The following GPR21 variants were observed in gnomAD, a reference collection of about 807,000 sequenced individuals.
GPR21 encodes G protein-coupled receptor 21.
Under a neutral mutation model 21.5 loss-of-function variants are expected in GPR21, and 9 were observed. The observed-to-expected ratio is 0.42, with a 90% confidence interval of 0.25 to 0.73. GPR21 has a LOEUF of 0.73. GPR21 is among the 30% of genes least tolerant of loss of function. GPR21 has a pLI of 0.27. For synonymous variants in GPR21, 169 were observed against 159.3 expected, an observed-to-expected ratio of 1.06 and a Z score of -0.46; for missense variants, 416 against 428.9, an observed-to-expected ratio of 0.97 and a Z score of 0.27.
At chr9:123,039,724 A>G (rs1042928618), downstream of GPR21, among the ~76,000 whole-genome samples, 8 of 152,188 alleles carry the variant, frequency 5.3e-5, no homozygotes, top group Non-Finnish European at 8.8e-5. Flanking sequence ...AGAATGGATT[A>G]GGAAATATGT....
At chr9:123,038,237 C>T (rs2032772693), downstream of GPR21, among the ~76,000 whole-genome samples, 2 of 152,090 alleles carry the variant, frequency 1.3e-5, no homozygotes, top group African/African-American at 2.4e-5. Flanking sequence ...TTGACTCTTA[C>T]TCAAAATTCC....
Position 123,034,642 on chromosome 9 carries a change from A to C in GPR21, c.76A>C (p.Asn26His). The C allele has an allele frequency of 6.2e-7, 1 of 1,613,796 alleles. No individual in the cohort carries two copies. Among genetic ancestry groups the C allele is most frequent in the Non-Finnish European group, 8.5e-7 (1 of 1,179,708 alleles). Residue 26 changes from asparagine (N) to histidine (H), a missense_variant, in exon 2 of 2, where the codon AAT becomes CAT. Transcript: ENST00000616002. ...GGCATTTGGCTATTTGGAAACTGTCAATTTTTGCCTTTTGGAAGTATTGAT... is the reference window on the plus strand; with the variant it reads ...GGCATTTGGCTATTTGGAAACTGTCCATTTTTGCCTTTTGGAAGTATTGAT... The part of the protein sequence containing the change: ...LLAFGYLETV[N>H]FCLLEVLIIV...
In GPR21 at chr9:123,034,473, T is replaced by C; in HGVS notation, c.-94T>C. ...GGCTCCTCTGGCATTATTACACACATGCAAAGCTGACCGCAATGACAGCAG... is the reference window on the plus strand; with the variant it reads ...GGCTCCTCTGGCATTATTACACACACGCAAAGCTGACCGCAATGACAGCAG... On this transcript the variant is annotated 5_prime_UTR_variant, in exon 2 of 2. It removes an upstream start codon present in the reference 5' UTR. Transcript: ENST00000616002. The C allele has an allele frequency of 1.3e-6, 1 of 771,328 alleles. No individual in the cohort carries two copies. The highest frequency in any genetic ancestry group is 2.2e-5 in the Admixed American group (1 of 44,790). The allele number at this position is 771,328 out of a possible 1,614,324, so 47.8% of individuals were successfully genotyped here.
chr9:123,044,858 C>A, the GPR21 span, among the ~76,000 whole-genome samples: 837 of 152,142 alleles, frequency 5.5e-3, 6 homozygotes, highest in Non-Finnish European at 8.2e-3. Flanking sequence ...CCTCTCCTCA[C>A]CCCAGACCCC....
the GPR21 span, among the ~76,000 whole-genome samples, chr9:123,045,197 T>C: frequency 1.3e-5 from 2 of 152,220 alleles, no homozygotes; most frequent in African/African-American, 4.8e-5. Context: ...GGCAATATTT[T>C]GGGGAGAAAG....
At chr9:123,036,392 A>G (rs376915683), downstream of GPR21, among the ~76,000 whole-genome samples, 31 of 152,354 alleles carry the variant, frequency 2.0e-4, 1 homozygote, top group South Asian at 5.8e-3. Flanking sequence ...GTCTATATTT[A>G]GAATATCTGA....
Position 123,034,719 on chromosome 9 carries a change from T to A in GPR21, c.153T>A (p.Phe51Leu). The A allele has an allele frequency of 6.2e-7, 1 of 1,613,826 alleles. No homozygotes were observed. Among genetic ancestry groups the A allele is most frequent in the Non-Finnish European group, 8.5e-7 (1 of 1,179,686 alleles). The change falls in exon 2 of 2, where the codon TTT becomes TTA. Residue 51 changes from phenylalanine (F) to leucine (L), a missense_variant. Physicochemically the swap from Phe to Leu is conservative, Grantham distance 22 (BLOSUM62 0). Transcript: ENST00000616002. The part of the protein sequence containing the change: ...LIISGNIIVI[F>L]VFHCAPLLNH... The stretch of plus-strand genomic sequence containing the variant: ...TTTCTGGCAACATCATTGTGATTTT[T>A]GTATTTCACTGTGCACCTTTGTTGA...
the GPR21 span, among the ~76,000 whole-genome samples, chr9:123,046,022 T>C: frequency 3.1e-4 from 47 of 152,172 alleles, 1 homozygote; most frequent in Admixed American, 3.1e-3. Flanking sequence ...CTTGGGTGAA[T>C]GTGGAGTGGC....
chr9:123,046,521 G>T, the GPR21 span, among the ~76,000 whole-genome samples: 12 of 152,124 alleles, frequency 7.9e-5, no homozygotes, highest in Admixed American at 2.0e-4. Flanking sequence ...CTAGCTGTGA[G>T]ACCTGGGGCA....
Position 123,034,720 on chromosome 9 carries a change from GT to G in GPR21, c.155del (p.Val52AspfsTer8). On this transcript the variant is annotated frameshift_variant, in exon 2 of 2. Transcript: ENST00000616002. LOFTEE classifies it high-confidence loss of function. ...TTCTGGCAACATCATTGTGATTTTT[GT>G]ATTTCACTGTGCACCTTTGTTGAAC... Reference protein sequence around the residue: ...IISGNIIVIFVFHCAPLLNHH... With the variant: ...IISGNIIVIFXFHCAPLLNHH... 1 of 1,613,668 alleles carries G rather than the reference GT, an allele frequency of 6.2e-7. No homozygotes were observed. Among genetic ancestry groups the G allele is most frequent in the Non-Finnish European group, 8.5e-7 (1 of 1,179,618 alleles).
At chr9:123,049,102 A>G in the GPR21 span, among the ~76,000 whole-genome samples, 1 of 152,204 alleles carries the variant, frequency 6.6e-6, no homozygotes, top group Non-Finnish European at 1.5e-5. Flanking sequence ...TTTTCTGAGG[A>G]AGTCATCTGC....
Position 123,034,597 on chromosome 9 carries a change from A to G in GPR21, c.31A>G (p.Ser11Gly). The G allele has an allele frequency of 6.2e-7, 1 of 1,611,350 alleles. No individual in the cohort carries two copies. Among genetic ancestry groups the G allele is most frequent in the Non-Finnish European group, 8.5e-7 (1 of 1,178,518 alleles). The change falls in exon 2 of 2, where the codon AGC (serine) becomes GGC (glycine). Residue 11 changes from serine (S) to glycine (G), a missense_variant. Transcript: ENST00000616002. The stretch of plus-strand genomic sequence containing the variant: ...CTCCACCTTGGATGGTAATCAGAGC[A>G]GCCACCCTTTTTGCCTCTTGGCATT... MNSTLDGNQS[S>G]HPFCLLAFGY...
the GPR21 span, among the ~76,000 whole-genome samples, chr9:123,043,213 A>G: frequency 6.6e-6 from 1 of 152,224 alleles, no homozygotes; most frequent in African/African-American, 2.4e-5. Context: ...ATAAAGAGAT[A>G]CAGAATCCAG....
chr9:123,044,999 G>C, the GPR21 span, among the ~76,000 whole-genome samples: 4 of 152,202 alleles, frequency 2.6e-5, no homozygotes, highest in East Asian at 7.7e-4. Flanking sequence ...AAAGCCCTTT[G>C]CAAATTAAAA....
the GPR21 span, among the ~76,000 whole-genome samples, chr9:123,047,458 A>G: frequency 6.6e-6 from 1 of 152,202 alleles, no homozygotes; most frequent in Non-Finnish European, 1.5e-5. Flanking sequence ...CCTTTAAGGC[A>G]TTACTACATA....
At position 123,035,226 on chromosome 9, in the gene GPR21, G is replaced by A; in HGVS notation, c.660G>A (p.Gln220=). ...TCAACATCTTCCGCATCTGCCAACA[G>A]CACACAAAGGATATCAGCGAAAGGC... The part of the protein sequence containing the change: ...TYFNIFRICQ[Q]HTKDISERQA... The change falls in exon 2 of 2, where the codon CAG becomes CAA. Residue 220 remains glutamine (Q), a synonymous_variant. Transcript: ENST00000616002. 1 of 1,614,142 alleles carries A rather than the reference G, an allele frequency of 6.2e-7. No homozygotes were observed. The highest frequency in any genetic ancestry group is 8.5e-7 in the Non-Finnish European group (1 of 1,180,004).
At chr9:123,039,454 G>A (rs1316909616), downstream of GPR21, among the ~76,000 whole-genome samples, 1 of 152,184 alleles carries the variant, frequency 6.6e-6, no homozygotes, top group Non-Finnish European at 1.5e-5. Context: ...ATTATTGCAT[G>A]TAGTCACACC....
rs780057213 is a variant in GPR21 at position 123,035,629 on chromosome 9, A to G, written c.*13A>G. The G allele has an allele frequency of 1.8e-5, 26 of 1,468,700 alleles. No homozygotes were observed. The allele number at this position is 1,468,700 out of a possible 1,614,324, so 91.0% of individuals were successfully genotyped here. The stretch of plus-strand genomic sequence containing the variant: ...ATGTCATATCTGAAGTGGCTCAGTT[A>G]CGGGGTTCCCGTGTGTGTGTGTGTG... On this transcript the variant is annotated 3_prime_UTR_variant, in exon 2 of 2. Transcript: ENST00000616002.
downstream of GPR21, among the ~76,000 whole-genome samples, chr9:123,036,203 A>G (rs1056365894): frequency 6.6e-6 from 1 of 152,260 alleles, no homozygotes; most frequent in African/African-American, 2.4e-5. Flanking sequence ...TAGGGTGAAT[A>G]ATGTGAACAC....
Sources: allele counts gnomAD v4.1 joint callset (sites outside exome capture counted in the v4.1 genomes callset), GRCh38; gene constraint gnomAD v4.1.1; transcripts MANE v1.5; gene names NCBI Gene and HGNC (gene_info 2026-07-23, HGNC 2026-07-21).